The following TPRG1 variants were observed in gnomAD, a reference collection of about 807,000 sequenced individuals.
TPRG1 encodes the protein tumor protein p63 regulated 1, also known as tumor protein p63-regulated gene 1 protein.
In TPRG1, 29 loss-of-function variants were observed where a neutral mutation model predicts 29.3. The observed-to-expected ratio is 0.99, with a 90% CI of 0.74 to 1.35. The LOEUF is 1.35. TPRG1 is among the 40% of genes most tolerant of loss of function. The pLI is 0.00. For synonymous variants in TPRG1, 130 were observed against 116.8 expected, an observed-to-expected ratio of 1.11 and a Z score of -0.73; for missense variants, 327 against 335.0, an observed-to-expected ratio of 0.98 and a Z score of 0.19.
At chr3:189,318,680 A>G (rs1258649788) in intron 5 of TPRG1, among the ~76,000 whole-genome samples, 1 of 152,156 alleles carries the variant, frequency 6.6e-6, no homozygotes. Context: ...TCGAAGCCTC[A>G]GGTACCTGCT....
intron 3 of TPRG1, among the ~76,000 whole-genome samples, chr3:189,136,845 A>G (rs183863275): frequency 3.3e-5 from 5 of 152,188 alleles, no homozygotes; most frequent in African/African-American, 1.2e-4. Context: ...TACAGGATTT[A>G]TAGAGCATTT....
chr3:189,240,065 G>T (rs1740279517), intron 4 of TPRG1, among the ~76,000 whole-genome samples: 1 of 152,018 alleles, frequency 6.6e-6, no homozygotes, highest in African/African-American at 2.4e-5. Context: ...ACATAGTAGG[G>T]TCTGAAATCT....
intron 4 of TPRG1, among the ~76,000 whole-genome samples, chr3:189,070,990 G>A (rs1399449971): frequency 6.6e-6 from 1 of 150,882 alleles, no homozygotes; most frequent in East Asian, 2.0e-4. Context: ...TAAATATGGT[G>A]ACTTGATGAA....
At chr3:189,060,918 ATTC>A (rs1294189969) in intron 4 of TPRG1, among the ~76,000 whole-genome samples, 2 of 152,194 alleles carry the variant, frequency 1.3e-5, no homozygotes, top group Non-Finnish European at 2.9e-5. Flanking sequence ...TACCCATGAC[ATTC>A]TTCACAGAAC....
rs10618021 is a variant in TPRG1, at chr3:189,301,298, C to CA, written c.480-9060dup. On this transcript the variant is annotated intron_variant, in intron 4 of 5. Coordinates refer to ENST00000345063, the MANE Select transcript of TPRG1 (RefSeq NM_198485.4). ...TGGGTGACAGAGTGAGACTCCATCT[C>CA]AAAAAAAAAAAAAAAAAAAAAAAAA... is the stretch of plus-strand genomic sequence containing the variant. 7.5e-3 allele frequency among the ~76,000 whole-genome samples: 327 copies of CA among 43,586 alleles called. 21 individuals are homozygous for CA. Among genetic ancestry groups the CA allele is most frequent in the Middle Eastern group, 0.056 (2 of 36 alleles). 28.6% of individuals were successfully genotyped at this position (43,586 alleles called of 152,430 possible). A position where few individuals can be genotyped will look rare whatever the true frequency, so the allele number is the denominator to read the frequency against.
intron 4 of TPRG1, among the ~76,000 whole-genome samples, chr3:189,088,978 A>G (rs951637571): frequency 5.6e-4 from 77 of 137,064 alleles, no homozygotes; most frequent in Admixed American, 1.4e-3. Flanking sequence ...ATATCTATCT[A>G]TCTATCTATC....
At chr3:189,249,676 T>C (rs1741866304) in intron 4 of TPRG1, among the ~76,000 whole-genome samples, 2 of 152,040 alleles carry the variant, frequency 1.3e-5, no homozygotes, top group Non-Finnish European at 2.9e-5. Context: ...TCTAACAGAG[T>C]AATCATAGGT....
At chr3:189,224,804 C>T (rs538212668) in intron 3 of TPRG1, among the ~76,000 whole-genome samples, 26 of 152,226 alleles carry the variant, frequency 1.7e-4, no homozygotes, top group African/African-American at 6.3e-4. Context: ...CCAGCTTTGC[C>T]AACACATTGC....
At chr3:189,087,541 T>TTGCCA (rs1381964701) in intron 4 of TPRG1, among the ~76,000 whole-genome samples, 3 of 152,242 alleles carry the variant, frequency 2.0e-5, no homozygotes, top group Non-Finnish European at 4.4e-5. Context: ...TTAGCTTTTG[T>TTGCCA]TGCCATTGCT....
chr3:189,058,319 A>G (rs1057188940), intron 4 of TPRG1, among the ~76,000 whole-genome samples: 1 of 152,176 alleles, frequency 6.6e-6, no homozygotes, highest in Non-Finnish European at 1.5e-5. Context: ...CATCTCTGAC[A>G]TGTTTATCAA....
chr3:189,075,740 A>G (rs1332346406), intron 4 of TPRG1, among the ~76,000 whole-genome samples: 1 of 152,212 alleles, frequency 6.6e-6, no homozygotes, highest in Non-Finnish European at 1.5e-5. Context: ...CTTAGCCCAC[A>G]GTTCCCATCA....
intron 3 of TPRG1, among the ~76,000 whole-genome samples, chr3:189,231,578 A>G (rs992270347): frequency 1.3e-5 from 2 of 152,152 alleles, no homozygotes; most frequent in Non-Finnish European, 2.9e-5. Flanking sequence ...TATCTCTTTC[A>G]TCCTAACAAC....
chr3:189,131,797 C>T (rs534591664), intron 2 of TPRG1, among the ~76,000 whole-genome samples: 4 of 152,188 alleles, frequency 2.6e-5, no homozygotes, highest in Non-Finnish European at 5.9e-5. Flanking sequence ...CTGCTTGTCT[C>T]TCATCTCCTT....
At chr3:189,142,441 C>G (rs1484651869) in intron 3 of TPRG1, among the ~76,000 whole-genome samples, 1 of 152,130 alleles carries the variant, frequency 6.6e-6, no homozygotes, top group Admixed American at 6.5e-5. Context: ...CTAGATCCTA[C>G]CCCCTGCCCC....
chr3:189,193,200 A>G (rs1731989465), intron 1 of TPRG1, among the ~76,000 whole-genome samples: 1 of 139,518 alleles, frequency 7.2e-6, no homozygotes, highest in South Asian at 2.3e-4. Flanking sequence ...CAGTGGCATA[A>G]TTCCATTTCA....
chr3:189,005,294 T>A (rs1041004024), intron 3 of TPRG1, among the ~76,000 whole-genome samples: 1 of 152,108 alleles, frequency 6.6e-6, no homozygotes, highest in Non-Finnish European at 1.5e-5. Context: ...GAGTAAAGTG[T>A]GATACAAAGT....
chr3:189,292,413 G>A (rs1237728013), intron 4 of TPRG1, among the ~76,000 whole-genome samples: 2 of 151,272 alleles, frequency 1.3e-5, no homozygotes, highest in South Asian at 2.1e-4. Context: ...GAGCTAGTGA[G>A]TGTGTTTTCC....
Position 189,085,050 on chromosome 3 carries a change from T to C in TPRG1, c.-462-42007T>C, listed in dbSNP as rs141565187. 1.7e-4 allele frequency among the ~76,000 whole-genome samples: 26 copies of C among 152,326 alleles called. 1 individual carries two copies. The highest frequency in any genetic ancestry group is 1.5e-3 in the Admixed American group (23 of 15,308). ...TTGCAGCAGTCCTCTAAGAAAAATA[T>C]GATTGTGCTGTTTAACAAATGAGGA... On this transcript the variant is annotated intron_variant, in intron 4 of 10. Coordinates refer to the TPRG1 transcript ENST00000433971.
At chr3:189,318,307 C>T (rs888483457) in intron 5 of TPRG1, among the ~76,000 whole-genome samples, 1 of 152,136 alleles carries the variant, frequency 6.6e-6, no homozygotes, top group East Asian at 1.9e-4. Flanking sequence ...ACATTTGTGA[C>T]TCTACTTCAT....
Sources: gnomAD v4.1 joint callset for allele counts (sites outside exome capture counted in the v4.1 genomes callset) on GRCh38, gnomAD v4.1.1 for gene constraint, MANE v1.5 for transcripts, NCBI Gene and HGNC (gene_info 2026-07-23, HGNC 2026-07-21) for gene names.